Variants in PAPPA observed in about 807,000 individuals in gnomAD.
The protein encoded by PAPPA is pappalysin-1.
Under a neutral mutation model 164.0 loss-of-function variants are expected in PAPPA, and 60 were observed. The observed-to-expected ratio is 0.37, with a 90% CI of 0.30 to 0.45. The LOEUF (loss-of-function observed/expected upper bound fraction) is 0.45. Ranked by LOEUF, PAPPA falls within the 20% of genes least tolerant of loss-of-function variation. The pLI is 1.00. For synonymous variants in PAPPA, 875 were observed against 814.1 expected (o/e 1.07, Z -1.27); for missense variants, 1,782 against 2,087.3 (o/e 0.85, Z 2.85).
intron 21 of PAPPA, among the ~76,000 whole-genome samples, chr9:116,388,723 G>A (rs1846849424): frequency 6.6e-6 from 1 of 152,186 alleles, no homozygotes; most frequent in Non-Finnish European, 1.5e-5. Context: ...GTTGGTCATT[G>A]AGCAGGAAGT....
At chr9:116,290,289 T>C (rs1845419751) in intron 9 of PAPPA, among the ~76,000 whole-genome samples, 2 of 152,100 alleles carry the variant, frequency 1.3e-5, no homozygotes, top group Non-Finnish European at 2.9e-5. Context: ...TCGTTATAGT[T>C]CTATGCATGT....
intron 7 of PAPPA, among the ~76,000 whole-genome samples, chr9:116,256,418 A>G (rs1025225736): frequency 1.3e-5 from 2 of 151,998 alleles, no homozygotes; most frequent in African/African-American, 2.4e-5. Flanking sequence ...CAAGGAAAAA[A>G]TGGAAACATA....
chr9:116,352,063 GCAGT>G (rs530680956), intron 15 of PAPPA, among the ~76,000 whole-genome samples: 28 of 152,300 alleles, frequency 1.8e-4, no homozygotes, highest in African/African-American at 6.7e-4. Flanking sequence ...CTTCCCAATG[GCAGT>G]CAGCACTCTG....
chr9:116,204,756 C>T (rs1362479146), intron 2 of PAPPA, among the ~76,000 whole-genome samples: 1 of 152,170 alleles, frequency 6.6e-6, no homozygotes, highest in African/African-American at 2.4e-5. Context: ...ACGATGTATA[C>T]ACAGGGACAG....
intron 7 of PAPPA, among the ~76,000 whole-genome samples, chr9:116,249,998 C>A (rs1328354737): frequency 6.7e-6 from 1 of 148,650 alleles, no homozygotes; most frequent in Non-Finnish European, 1.5e-5. Flanking sequence ...TACATGCATG[C>A]ATGAGTACCT....
At chr9:116,396,457 T>C (rs1588035296) in intron 21 of PAPPA, 52 bp from the exon 22 acceptor site, 16 of 778,066 alleles carry the variant, frequency 2.1e-5, no homozygotes, top group East Asian at 9.7e-5. Context: ...ACTGCCTTTC[T>C]GATCATTACT....
chr9:116,223,290 C>CTGAT (rs1844467461), intron 5 of PAPPA, among the ~76,000 whole-genome samples: 1 of 152,158 alleles, frequency 6.6e-6, no homozygotes, highest in Non-Finnish European at 1.5e-5. Flanking sequence ...GACTTTTGGT[C>CTGAT]AAGCCTTGGC....
At chr9:116,227,353 A>C (rs1844525950) in intron 5 of PAPPA, 78 bp from the exon 6 acceptor site, 1 of 1,482,892 alleles carries the variant, frequency 6.7e-7, no homozygotes, top group African/African-American at 1.4e-5. Context: ...TGCCCCATTG[A>C]CTCTGGCCTA....
chr9:116,328,913 T>A (rs1232903445), intron 10 of PAPPA, among the ~76,000 whole-genome samples: 1 of 152,248 alleles, frequency 6.6e-6, no homozygotes, highest in Admixed American at 6.5e-5. Flanking sequence ...ATTATCCATA[T>A]TGTATTTGCA....
intron 2 of PAPPA, among the ~76,000 whole-genome samples, chr9:116,205,184 A>C (rs1352815633): frequency 6.6e-6 from 1 of 151,570 alleles, no homozygotes; most frequent in African/African-American, 2.4e-5. Context: ...TTCCCAAAGT[A>C]TGAAAAAAAA....
intron 10 of PAPPA, 82 bp downstream of exon 10, chr9:116,303,032 C>A: frequency 1.7e-6 from 2 of 1,179,310 alleles, no homozygotes; most frequent in Non-Finnish European, 2.5e-6. Flanking sequence ...ACCTCTAAGG[C>A]AGTGTCATTG....
intron 21 of PAPPA, among the ~76,000 whole-genome samples, chr9:116,385,649 T>C (rs1233818149): frequency 6.6e-6 from 1 of 152,232 alleles, no homozygotes; most frequent in Non-Finnish European, 1.5e-5. Context: ...GTTTCCTCCT[T>C]GTCTACCCAC....
At chr9:116,272,997 T>A (rs990411047) in intron 9 of PAPPA, among the ~76,000 whole-genome samples, 1 of 152,196 alleles carries the variant, frequency 6.6e-6, no homozygotes, top group Non-Finnish European at 1.5e-5. Flanking sequence ...ACTGAATTCC[T>A]TCTAATTGTG....
At chr9:116,199,240 G>A (rs1430021997) in intron 2 of PAPPA, among the ~76,000 whole-genome samples, 5 of 152,190 alleles carry the variant, frequency 3.3e-5, no homozygotes, top group African/African-American at 7.2e-5. Context: ...ATTTTCCTAT[G>A]GGTTAGCCTT....
intron 10 of PAPPA, among the ~76,000 whole-genome samples, chr9:116,320,254 G>A (rs1845837342): frequency 6.6e-6 from 1 of 152,180 alleles, no homozygotes; most frequent in East Asian, 1.9e-4. Context: ...GACTTGTGGG[G>A]AGGTGCCAGC....
chr9:116,288,177 T>C (rs974023652), intron 9 of PAPPA, among the ~76,000 whole-genome samples: 40 of 152,134 alleles, frequency 2.6e-4, no homozygotes, highest in Non-Finnish European at 8.8e-5. Context: ...AAGACAAGCC[T>C]GACAAACATG....
At chr9:116,320,542 T>A (rs1188841547) in intron 10 of PAPPA, among the ~76,000 whole-genome samples, 2 of 152,218 alleles carry the variant, frequency 1.3e-5, no homozygotes, top group African/African-American at 4.8e-5. Context: ...CTATGCCGAA[T>A]AATAAATGCT....
intron 13 of PAPPA, 108 bp from the exon 14 acceptor site, chr9:116,344,435 C>CA (rs910640353): frequency 1.7e-6 from 2 of 1,148,514 alleles, no homozygotes; most frequent in Non-Finnish European, 2.5e-6. Context: ...TCCTCAGTCT[C>CA]AAGCCCCCTG....
chr9:116,198,134 G>A (rs755245288), intron 2 of PAPPA, among the ~76,000 whole-genome samples: 1 of 152,208 alleles, frequency 6.6e-6, no homozygotes, highest in Non-Finnish European at 1.5e-5. Flanking sequence ...AATTTGGTTT[G>A]ATGCTCCAAG....
Sources: allele counts gnomAD v4.1 joint callset (sites outside exome capture counted in the v4.1 genomes callset), GRCh38; gene constraint gnomAD v4.1.1; transcripts MANE v1.5; gene names NCBI Gene and HGNC (gene_info 2026-07-23, HGNC 2026-07-21).